KCNMA1: variants seen among roughly 807,000 people sequenced by gnomAD.
KCNMA1 encodes the protein potassium calcium-activated channel subfamily M alpha 1.
KCNMA1 carries 29 observed loss-of-function variants against 140.0 expected under a neutral mutation model. The observed-to-expected ratio is 0.21, with a 90% CI of 0.15 to 0.28. KCNMA1 has a LOEUF of 0.28. Among genes scored for constraint, KCNMA1 ranks in the 10% least tolerant of loss-of-function variants. The pLI, the probability that KCNMA1 is intolerant of heterozygous loss-of-function variation, is 1.00. For synonymous variants in KCNMA1, 612 were observed against 611.9 expected (o/e 1.00, Z 0.00); for missense variants, 880 against 1,602.2 (o/e 0.55, Z 7.70).
intron 2 of KCNMA1, among the ~76,000 whole-genome samples, chr10:77,254,224 CTTT>C (rs11402076): frequency 7.1e-6 from 1 of 140,456 alleles, no homozygotes; most frequent in African/African-American, 2.6e-5. Flanking sequence ...GAAATATACT[CTTT>C]TTTTTTTTTT....
intron 19 of KCNMA1, among the ~76,000 whole-genome samples, chr10:76,987,134 A>G (rs140769217): frequency 2.2e-3 from 333 of 152,120 alleles, no homozygotes; most frequent in South Asian, 3.7e-3. Context: ...TGCTTAATAA[A>G]CTATGGAAAC....
At chr10:77,401,119 C>G (rs2096249537) in intron 2 of KCNMA1, among the ~76,000 whole-genome samples, 1 of 151,768 alleles carries the variant, frequency 6.6e-6, no homozygotes, top group South Asian at 2.1e-4. Flanking sequence ...CCCCCTGCCT[C>G]AAAATCTCCT....
Position 77,488,206 on chromosome 10 carries a change from C to T in KCNMA1, c.379-84183G>A, listed in dbSNP as rs185022287. 9.1e-4 allele frequency among the ~76,000 whole-genome samples: 139 copies of T among 152,290 alleles called. No individual in the cohort carries two copies. In the Middle Eastern group the frequency reaches 0.01, roughly 11 times the overall value. On this transcript the variant is annotated intron_variant, in intron 1 of 27. Coordinates refer to ENST00000286628, the MANE Select transcript of KCNMA1 (RefSeq NM_001161352.2). ...ACCCTCAAAGGCTGTTCTGAGCCAA[C>T]AGGAAGAAAGGCCACCAAGTTGTGG... is the stretch of plus-strand genomic sequence containing the variant.
chr10:77,145,396 G>A (rs866577381), intron 5 of KCNMA1, among the ~76,000 whole-genome samples: 2 of 152,172 alleles, frequency 1.3e-5, no homozygotes, highest in African/African-American at 4.8e-5. Flanking sequence ...GTGAATGTGG[G>A]CCCATTTCTC....
At position 77,439,934 on chromosome 10, in the gene KCNMA1, G is replaced by A. The variant is rs139546269; in HGVS notation, c.379-35911C>T. Reference sequence around the variant, plus strand: ...CATCTGATTCATGCAAAAGTTGTTCGAGCATAAACAGCAGCTTTCTCCAGT... The same window carrying A: ...CATCTGATTCATGCAAAAGTTGTTCAAGCATAAACAGCAGCTTTCTCCAGT... On this transcript the variant is annotated intron_variant, in intron 1 of 27. Coordinates refer to ENST00000286628, the MANE Select transcript of KCNMA1 (RefSeq NM_001161352.2). Among the ~76,000 whole-genome samples, 233 of 152,254 alleles carry A rather than the reference G, an allele frequency of 1.5e-3. 3 individuals carry two copies. Among genetic ancestry groups the A allele is most frequent in the African/African-American group, 5.3e-3 (221 of 41,550 alleles).
chr10:77,248,266 A>G (rs1406152091), intron 3 of KCNMA1, among the ~76,000 whole-genome samples: 5 of 152,160 alleles, frequency 3.3e-5, no homozygotes, highest in Non-Finnish European at 7.3e-5. Flanking sequence ...AGCCTGTTTT[A>G]TACATTAATC....
At chr10:77,490,291 C>A (rs1247176443) in intron 1 of KCNMA1, among the ~76,000 whole-genome samples, 1 of 152,096 alleles carries the variant, frequency 6.6e-6, no homozygotes, top group Non-Finnish European at 1.5e-5. Flanking sequence ...ATGTGAATGA[C>A]CAGGGTTTGA....
intron 1 of KCNMA1, among the ~76,000 whole-genome samples, chr10:77,572,853 A>G (rs765598497): frequency 1.7e-4 from 26 of 151,654 alleles, no homozygotes; most frequent in Non-Finnish European, 2.9e-4. Flanking sequence ...GTGTTTTAGA[A>G]TTCCAATTGT....
At chr10:76,883,534 G>A (rs899637596), downstream of KCNMA1, among the ~76,000 whole-genome samples, 7 of 152,146 alleles carry the variant, frequency 4.6e-5, no homozygotes, top group African/African-American at 1.7e-4. Context: ...AGACTGAGAA[G>A]GCTTCACCGT....
rs1161725929 is a variant in KCNMA1 at position 76,885,209 on chromosome 10, ATATATAGTTATATATATATAAT to A, written c.*2035_*2056del. The A allele has an allele frequency of 1.1e-4, 58 of 543,848 alleles. No homozygotes were observed. The highest frequency in any genetic ancestry group is 7.3e-4 in the South Asian group (9 of 12,266). The allele number at this position is 543,848 out of a possible 1,614,324, so 33.7% of individuals were successfully genotyped here. A position where few individuals can be genotyped will look rare whatever the true frequency, so the allele number is the denominator to read the frequency against. The stretch of plus-strand genomic sequence containing the variant: ...CTAGGGGATACATATATATAGTTAT[ATATATAGTTATATATATATAAT>A]TATATAGTTATATATATATAATTAT... On this transcript the variant is annotated 3_prime_UTR_variant, in exon 28 of 28. Transcript: ENST00000286628.
intron 2 of KCNMA1, among the ~76,000 whole-genome samples, chr10:77,367,681 A>G (rs2094448608): frequency 6.6e-6 from 1 of 152,210 alleles, no homozygotes; most frequent in Admixed American, 6.5e-5. Context: ...TGCCCCAAAA[A>G]CTATCTTGCA....
intron 2 of KCNMA1, among the ~76,000 whole-genome samples, chr10:77,264,807 C>T (rs1009323723): frequency 1.3e-5 from 2 of 152,148 alleles, no homozygotes. Flanking sequence ...CATCCCTCAT[C>T]CACTCCATCA....
At chr10:77,266,399 A>C (rs915600799) in intron 2 of KCNMA1, among the ~76,000 whole-genome samples, 2 of 152,174 alleles carry the variant, frequency 1.3e-5, no homozygotes, top group Non-Finnish European at 2.9e-5. Context: ...CACCCACTGC[A>C]AGAACTTTTT....
At chr10:77,105,726 G>C (rs2153836738) in intron 9 of KCNMA1, among the ~76,000 whole-genome samples, 1 of 152,256 alleles carries the variant, frequency 6.6e-6, no homozygotes, top group African/African-American at 2.4e-5. Flanking sequence ...ACAAAGTTTA[G>C]CTGCTTTCCT....
chr10:77,358,786 A>G (rs1230846074), intron 2 of KCNMA1, among the ~76,000 whole-genome samples: 3 of 152,242 alleles, frequency 2.0e-5, no homozygotes, highest in Non-Finnish European at 4.4e-5. Flanking sequence ...CTAAAAGAGG[A>G]AATGTTCTGT....
chr10:76,900,379 T>C (rs2044615556), intron 25 of KCNMA1, among the ~76,000 whole-genome samples: 1 of 152,100 alleles, frequency 6.6e-6, no homozygotes, highest in African/African-American at 2.4e-5. Context: ...CCTGAACTGA[T>C]AGACGTATTT....
At chr10:77,209,090 G>C (rs906109546) in intron 3 of KCNMA1, among the ~76,000 whole-genome samples, 3 of 152,182 alleles carry the variant, frequency 2.0e-5, no homozygotes, top group Non-Finnish European at 4.4e-5. Flanking sequence ...CCTCCACAGA[G>C]CTGTCTCTTC....
chr10:77,364,412 C>T (rs976718392), intron 2 of KCNMA1, among the ~76,000 whole-genome samples: 1 of 151,864 alleles, frequency 6.6e-6, no homozygotes, highest in African/African-American at 2.4e-5. Context: ...GATCGTGCCA[C>T]TGCACTCCAG....
chr10:77,171,606 T>C (rs1000557877), intron 5 of KCNMA1, among the ~76,000 whole-genome samples: 6 of 152,162 alleles, frequency 3.9e-5, no homozygotes, highest in African/African-American at 7.2e-5. Flanking sequence ...AAATACAGTC[T>C]GGCCAGGAGG....
Sources: allele counts gnomAD v4.1 joint callset (sites outside exome capture counted in the v4.1 genomes callset), GRCh38; gene constraint gnomAD v4.1.1; transcripts MANE v1.5; gene names NCBI Gene and HGNC (gene_info 2026-07-23, HGNC 2026-07-21).